ADCY2: variants seen among roughly 807,000 people sequenced by gnomAD.
ADCY2 encodes the protein adenylate cyclase 2.
In ADCY2, 31 loss-of-function variants were observed where a neutral mutation model predicts 125.2. That is an observed-to-expected ratio of 0.25 (90% CI 0.19 to 0.33). The LOEUF (loss-of-function observed/expected upper bound fraction) is 0.33, where lower values mean the gene tolerates loss of function less well. ADCY2 is among the 10% of genes least tolerant of loss of function. The probability of loss-of-function intolerance (pLI) is 1.00; values close to 1 mark genes in which losing one functional copy is unlikely to be tolerated. For synonymous variants in ADCY2, 512 were observed against 548.4 expected (o/e 0.93, Z 0.93); for missense variants, 904 against 1,418.2 (o/e 0.64, Z 5.82).
At chr5:7,541,178 T>G (rs1734982872) in intron 3 of ADCY2, among the ~76,000 whole-genome samples, 1 of 152,196 alleles carries the variant, frequency 6.6e-6, no homozygotes, top group African/African-American at 2.4e-5. Flanking sequence ...TCATGGGGTC[T>G]TAAAAGACCG....
chr5:7,480,919 A>G (rs1457381052), intron 2 of ADCY2, among the ~76,000 whole-genome samples: 3 of 152,146 alleles, frequency 2.0e-5, no homozygotes, highest in Admixed American at 1.3e-4. Context: ...AATCTTGGCT[A>G]TAGTGGATAG....
intron 16 of ADCY2, among the ~76,000 whole-genome samples, chr5:7,760,214 T>A (rs113402107): frequency 0.012 from 1,807 of 152,126 alleles, 43 homozygotes; most frequent in African/African-American, 0.041. Context: ...CTAAAATGGG[T>A]TTTTCGGGCT....
At chr5:7,756,250 G>A (rs1742987605) in intron 15 of ADCY2, among the ~76,000 whole-genome samples, 1 of 152,218 alleles carries the variant, frequency 6.6e-6, no homozygotes, top group Non-Finnish European at 1.5e-5. Flanking sequence ...AGAATATGGT[G>A]AGAATCCTTG....
intron 3 of ADCY2, among the ~76,000 whole-genome samples, chr5:7,586,574 C>T (rs1426006519): frequency 5.9e-5 from 9 of 151,986 alleles, no homozygotes; most frequent in Admixed American, 1.3e-4. Context: ...TCTTCATTTT[C>T]GAATAGGAGA....
intron 1 of ADCY2, among the ~76,000 whole-genome samples, chr5:7,400,453 T>C (rs907199492): frequency 1.3e-5 from 2 of 152,214 alleles, no homozygotes; most frequent in Admixed American, 6.5e-5. Flanking sequence ...AGAGGTTCTT[T>C]TGTGTGTACA....
chr5:7,589,510 GAAAAGA>G (rs1561112587), intron 3 of ADCY2, among the ~76,000 whole-genome samples: 2 of 88,036 alleles, frequency 2.3e-5, no homozygotes, highest in East Asian at 3.3e-4. Flanking sequence ...AAGAAAGAAA[GAAAAGA>G]AAAGAAAGAG....
intron 9 of ADCY2, among the ~76,000 whole-genome samples, chr5:7,708,513 T>C (rs2126356337): frequency 6.6e-6 from 1 of 152,314 alleles, no homozygotes; most frequent in South Asian, 2.1e-4. Context: ...TTATCACTAT[T>C]TACAGATTAA....
intron 4 of ADCY2, among the ~76,000 whole-genome samples, chr5:7,643,823 A>C (rs866352203): frequency 5.3e-5 from 8 of 151,516 alleles, no homozygotes; most frequent in Non-Finnish European, 1.5e-5. Context: ...GTTTTTTTTT[A>C]ATCTCAACTA....
Position 7,465,127 on chromosome 5 carries a change from C to T in ADCY2, c.408+50357C>T, listed in dbSNP as rs541477250. On this transcript the variant is annotated intron_variant, in intron 2 of 24. Transcript: ENST00000338316. Reference sequence around the variant, plus strand: ...ATGATTCAGTTATCTCCCACTGGGTCCTTCCCACAACACGTGGGAATTATG... The same window carrying T: ...ATGATTCAGTTATCTCCCACTGGGTTCTTCCCACAACACGTGGGAATTATG... Among the ~76,000 whole-genome samples the T allele has an allele frequency of 2.0e-5, 3 of 152,304 alleles. No homozygotes were observed. The South Asian group carries it at 6.2e-4, about 32-fold the overall frequency.
intron 4 of ADCY2, among the ~76,000 whole-genome samples, chr5:7,665,496 G>A (rs1354044561): frequency 6.6e-6 from 1 of 152,178 alleles, no homozygotes; most frequent in Non-Finnish European, 1.5e-5. Flanking sequence ...TTGATGCTGA[G>A]CAGTCCCACC....
chr5:7,499,681 A>ATGTATATATATG (rs1246738271), intron 2 of ADCY2, among the ~76,000 whole-genome samples: 1 of 124,102 alleles, frequency 8.1e-6, no homozygotes, highest in Non-Finnish European at 1.7e-5. Flanking sequence ...ATATATATAT[A>ATGTATATATATG]TGTATATATA....
chr5:7,511,341 C>T (rs1339872459), intron 2 of ADCY2, among the ~76,000 whole-genome samples: 2 of 151,938 alleles, frequency 1.3e-5, no homozygotes, highest in African/African-American at 2.4e-5. Context: ...TTTGGGAGGC[C>T]GAGATGGGCA....
chr5:7,468,337 G>A (rs1162147834), intron 2 of ADCY2, among the ~76,000 whole-genome samples: 1 of 152,152 alleles, frequency 6.6e-6, no homozygotes, highest in Non-Finnish European at 1.5e-5. Flanking sequence ...GTTCTTTGAG[G>A]AAAGAACAGT....
chr5:7,602,868 A>G (rs1437153263), intron 3 of ADCY2, among the ~76,000 whole-genome samples: 1 of 152,178 alleles, frequency 6.6e-6, no homozygotes, highest in Non-Finnish European at 1.5e-5. Flanking sequence ...TGGCTCCAAT[A>G]AACAGAAAAC....
At chr5:7,737,799 C>CA (rs1325254672) in intron 14 of ADCY2, among the ~76,000 whole-genome samples, 2 of 152,004 alleles carry the variant, frequency 1.3e-5, no homozygotes, top group Admixed American at 1.3e-4. Flanking sequence ...AATGCACCCA[C>CA]AAAAAAAGAC....
intron 4 of ADCY2, among the ~76,000 whole-genome samples, chr5:7,632,748 A>G (rs1166873271): frequency 6.6e-6 from 1 of 152,232 alleles, no homozygotes; most frequent in Non-Finnish European, 1.5e-5. Context: ...TGCCTCATTG[A>G]GAAGTTCCAG....
chr5:7,524,565 G>C (rs945109704), intron 3 of ADCY2, among the ~76,000 whole-genome samples: 4 of 152,166 alleles, frequency 2.6e-5, no homozygotes, highest in African/African-American at 9.7e-5. Flanking sequence ...ATCTTCTACA[G>C]GATGGAACAA....
chr5:7,665,304 A>G (rs1739675119), intron 4 of ADCY2, among the ~76,000 whole-genome samples: 2 of 152,134 alleles, frequency 1.3e-5, no homozygotes, highest in African/African-American at 2.4e-5. Context: ...CCAGTTGTCC[A>G]TCTGGATGTC....
intron 2 of ADCY2, among the ~76,000 whole-genome samples, chr5:7,458,631 C>G (rs1360225866): frequency 6.6e-6 from 1 of 152,090 alleles, no homozygotes; most frequent in African/African-American, 2.4e-5. Flanking sequence ...CATTGTGGCT[C>G]TCTCAAAGAA....
Sources: allele counts gnomAD v4.1 joint callset (sites outside exome capture counted in the v4.1 genomes callset), GRCh38; gene constraint gnomAD v4.1.1; transcripts MANE v1.5; gene names NCBI Gene and HGNC (gene_info 2026-07-23, HGNC 2026-07-21).